BNC2: variants seen among roughly 807,000 people sequenced by gnomAD.
The protein encoded by BNC2 is basonuclin zinc finger protein 2, also known as zinc finger protein basonuclin-2.
In BNC2, 20 loss-of-function variants were observed where a neutral mutation model predicts 76.3. That is an observed-to-expected ratio of 0.26 (90% CI 0.18 to 0.38). BNC2 has a LOEUF of 0.38. Among genes scored for constraint, BNC2 ranks in the 10% least tolerant of loss-of-function variants. The pLI, the probability that BNC2 is intolerant of heterozygous loss-of-function variation, is 1.00. For synonymous variants in BNC2, 582 were observed against 514.8 expected, an observed-to-expected ratio of 1.13 and a Z score of -1.77; for missense variants, 1,382 against 1,399.8, an observed-to-expected ratio of 0.99 and a Z score of 0.20.
intron 1 of BNC2, among the ~76,000 whole-genome samples, chr9:16,745,739 C>T (rs533112161): frequency 6.6e-6 from 1 of 152,262 alleles, no homozygotes; most frequent in South Asian, 2.1e-4. Context: ...CATTCCATTA[C>T]TTTTCCGTTT....
chr9:16,613,041 G>A (rs1820594667), intron 3 of BNC2, among the ~76,000 whole-genome samples: 2 of 152,180 alleles, frequency 1.3e-5, no homozygotes, highest in Admixed American at 1.3e-4. Context: ...CATGGGGCTT[G>A]TTCAAAGAAC....
At chr9:16,542,010 A>C (rs1021807947) in intron 5 of BNC2, among the ~76,000 whole-genome samples, 1 of 152,216 alleles carries the variant, frequency 6.6e-6, no homozygotes, top group Non-Finnish European at 1.5e-5. Flanking sequence ...AAGAAAAAAA[A>C]ATCCACAGCA....
chr9:16,560,546 C>CA (rs35877425), intron 4 of BNC2, among the ~76,000 whole-genome samples: 18 of 148,540 alleles, frequency 1.2e-4, no homozygotes, highest in East Asian at 1.0e-3. Flanking sequence ...ACCATGTCCA[C>CA]AAAAAAAAAA....
intron 1 of BNC2, among the ~76,000 whole-genome samples, chr9:16,803,111 G>A (rs1817823327): frequency 6.6e-6 from 1 of 152,074 alleles, no homozygotes; most frequent in African/African-American, 2.4e-5. Flanking sequence ...CTAAACATTT[G>A]GACTTGCAGA....
chr9:16,454,644 T>C (rs1298754631), intron 5 of BNC2, among the ~76,000 whole-genome samples: 2 of 152,158 alleles, frequency 1.3e-5, no homozygotes, highest in Non-Finnish European at 2.9e-5. Context: ...TTGTTTCTGT[T>C]GAAAACTAAC....
At chr9:16,780,664 T>C (rs79688245) in intron 1 of BNC2, among the ~76,000 whole-genome samples, 1,824 of 152,296 alleles carry the variant, frequency 0.012, 33 homozygotes, top group African/African-American at 0.042. Context: ...TTAACACTTA[T>C]TGGTTATCTA....
chr9:16,860,453 C>A (rs1371873639), intron 1 of BNC2, among the ~76,000 whole-genome samples: 2 of 152,148 alleles, frequency 1.3e-5, no homozygotes, highest in Non-Finnish European at 2.9e-5. Flanking sequence ...GTCTTTTCAA[C>A]AAATAGTGCT....
At chr9:16,746,201 G>T (rs1352880067) in intron 1 of BNC2, among the ~76,000 whole-genome samples, 1 of 152,140 alleles carries the variant, frequency 6.6e-6, no homozygotes, top group Non-Finnish European at 1.5e-5. Context: ...TAATCTAGTA[G>T]TATACCAGAT....
At chr9:16,547,187 T>C (rs578050832) in intron 5 of BNC2, among the ~76,000 whole-genome samples, 1 of 152,374 alleles carries the variant, frequency 6.6e-6, no homozygotes, top group Middle Eastern at 3.4e-3. Context: ...GCTGTTTAAA[T>C]ACAAGTGTTT....
intron 5 of BNC2, among the ~76,000 whole-genome samples, chr9:16,452,654 C>G (rs1450575852): frequency 6.6e-6 from 1 of 152,156 alleles, no homozygotes; most frequent in Non-Finnish European, 1.5e-5. Context: ...AGGTGATCCA[C>G]CCGCCTCGGC....
intron 5 of BNC2, among the ~76,000 whole-genome samples, chr9:16,469,637 C>T (rs1443451353): frequency 1.3e-5 from 2 of 152,084 alleles, no homozygotes; most frequent in African/African-American, 4.8e-5. Flanking sequence ...AATGTGAAAG[C>T]GACTTAGGAA....
At chr9:16,603,761 T>C (rs1166732339) in intron 3 of BNC2, among the ~76,000 whole-genome samples, 1 of 152,210 alleles carries the variant, frequency 6.6e-6, no homozygotes, top group Non-Finnish European at 1.5e-5. Context: ...GCTGTTAGTA[T>C]TTCTGCTCAT....
chr9:16,657,696 G>C (rs959749998), intron 3 of BNC2, among the ~76,000 whole-genome samples: 1 of 151,636 alleles, frequency 6.6e-6, no homozygotes, highest in African/African-American at 2.4e-5. Context: ...TAGGAGAACT[G>C]TTTTATCCAT....
At chr9:16,575,534 G>A (rs541292188) in intron 4 of BNC2, 1 of 718,490 alleles carries the variant, frequency 1.4e-6, no homozygotes, top group Admixed American at 6.3e-5. Flanking sequence ...AAAGTGTGCA[G>A]GCTGAGAAAC....
At chr9:16,613,522 T>C (rs1441247598) in intron 3 of BNC2, among the ~76,000 whole-genome samples, 2 of 152,204 alleles carry the variant, frequency 1.3e-5, no homozygotes, top group Non-Finnish European at 2.9e-5. Flanking sequence ...AGAATAGGTA[T>C]TTATAACAAA....
intron 3 of BNC2, among the ~76,000 whole-genome samples, chr9:16,711,366 G>A (rs375447919): frequency 6.6e-6 from 1 of 152,084 alleles, no homozygotes; most frequent in East Asian, 1.9e-4. Flanking sequence ...TCCATTCCTC[G>A]CTAGTTGCAG....
intron 6 of BNC2, among the ~76,000 whole-genome samples, chr9:16,425,309 G>C (rs1033392791): frequency 6.6e-6 from 1 of 152,112 alleles, no homozygotes; most frequent in African/African-American, 2.4e-5. Context: ...TGTAATAACA[G>C]GTAGGATGTA....
chr9:16,735,963 G>A (rs1824654989), intron 2 of BNC2, among the ~76,000 whole-genome samples: 1 of 151,866 alleles, frequency 6.6e-6, no homozygotes, highest in South Asian at 2.1e-4. Context: ...GCCAGGTGCG[G>A]TGGCTCACAC....
At chr9:16,866,519 GTAGT>G (rs1285271044) in intron 1 of BNC2, among the ~76,000 whole-genome samples, 4 of 151,984 alleles carry the variant, frequency 2.6e-5, no homozygotes, top group East Asian at 1.9e-4. Context: ...ACTACAAACA[GTAGT>G]TAGTCAAACC....
Sources: allele counts gnomAD v4.1 joint callset (sites outside exome capture counted in the v4.1 genomes callset), GRCh38; gene constraint gnomAD v4.1.1; transcripts MANE v1.5; gene names NCBI Gene and HGNC (gene_info 2026-07-23, HGNC 2026-07-21).